Variants in NSUN4 observed in about 807,000 individuals in gnomAD.
The protein encoded by NSUN4 is 5-cytosine rRNA methyltransferase NSUN4.
NSUN4 carries 31 observed loss-of-function variants against 43.8 expected under a neutral mutation model. The ratio of observed to expected loss-of-function variants is 0.71; its 90% confidence interval spans 0.53 to 0.96. The LOEUF is 0.96. Among genes scored for constraint, NSUN4 ranks in the 40% least tolerant of loss-of-function variants. The pLI is 0.00. For missense variants in NSUN4, 439 were observed against 475.6 expected, an observed-to-expected ratio of 0.92 and a Z score of 0.72; for synonymous variants, 167 against 184.1, an observed-to-expected ratio of 0.91 and a Z score of 0.75.
downstream of NSUN4, among the ~76,000 whole-genome samples, chr1:46,367,073 C>T (rs1373605257): frequency 6.6e-6 from 1 of 152,134 alleles, no homozygotes; most frequent in East Asian, 1.9e-4. Flanking sequence ...CTTCCTAAGG[C>T]CTATCTCCCC....
rs143897521 is a variant in NSUN4 at position 46,356,167 on chromosome 1, G to T, written c.753+3139G>T. Among the ~76,000 whole-genome samples, 86 of 152,250 alleles carry T rather than the reference G, an allele frequency of 5.6e-4. 1 individual carries two copies. In the East Asian group the frequency reaches 0.014, roughly 25 times the overall value. On this transcript the variant is annotated intron_variant, in intron 4 of 5. Transcript: ENST00000474844. The stretch of plus-strand genomic sequence containing the variant: ...GCTCACTGCAGTCTTGACTTTCTGG[G>T]CTTAAGTGATCCTCCTACCTCAGCC...
At chr1:46,349,306 AT>A (rs1311021825) in intron 3 of NSUN4, among the ~76,000 whole-genome samples, 8 of 150,244 alleles carry the variant, frequency 5.3e-5, no homozygotes, top group South Asian at 4.2e-4. Context: ...TGCCCGGCTA[AT>A]TTTTTTGTAT....
At position 46,360,228 on chromosome 1, in the gene NSUN4, C is replaced by CAAAAAAAA. The variant is rs1240539714; in HGVS notation, c.754-461_754-454dup. On this transcript the variant is annotated intron_variant, in intron 4 of 5. Transcript: ENST00000474844. ...TGGGCGACAGAGCAAGACTCCATCT[C>CAAAAAAAA]AAAAAAAAAAAAAAAAAAAAAATAT... Among the ~76,000 whole-genome samples, 122 of 34,968 alleles carry CAAAAAAAA rather than the reference C, an allele frequency of 3.5e-3. 1 individual carries two copies. Among genetic ancestry groups the CAAAAAAAA allele is most frequent in the Non-Finnish European group, 4.9e-3 (103 of 21,040 alleles). 22.9% of individuals were successfully genotyped at this position (34,968 alleles called of 152,430 possible).
At chr1:46,342,850 C>T in intron 1 of NSUN4, 1 of 400,176 alleles carries the variant, frequency 2.5e-6, no homozygotes, top group East Asian at 3.6e-5. Context: ...TCTGGCCAGC[C>T]CAAGCCCGCT....
At chr1:46,373,865 A>G in the NSUN4 span, among the ~76,000 whole-genome samples, 1 of 152,022 alleles carries the variant, frequency 6.6e-6, no homozygotes, top group African/African-American at 2.4e-5. Flanking sequence ...GGAATCTGAA[A>G]AAGTGGAAGT....
Position 46,352,951 on chromosome 1 carries a change from AG to A in NSUN4, c.679del (p.Asp227MetfsTer115). 1 of 1,614,206 alleles carries A rather than the reference AG, an allele frequency of 6.2e-7. No homozygotes were observed. The highest frequency in any genetic ancestry group is 8.5e-7 in the Non-Finnish European group (1 of 1,180,004). On this transcript the variant is annotated frameshift_variant, in exon 4 of 6. Transcript: ENST00000474844. LOFTEE classifies it high-confidence loss of function. Reference sequence around the variant, plus strand: ...TCACAGCTATGTGCCTGAAGAGATCAGGGATGGAAATCAAGTTCGAGTTACC... The same window carrying A: ...TCACAGCTATGTGCCTGAAGAGATCAGGATGGAAATCAAGTTCGAGTTACC... ...ILHSYVPEEIRDGNQVRVTSW... is the reference protein window; with the variant it reads ...ILHSYVPEEIXDGNQVRVTSW...
intron 4 of NSUN4, among the ~76,000 whole-genome samples, chr1:46,357,251 C>T (rs748044190): frequency 2.0e-5 from 3 of 152,210 alleles, no homozygotes; most frequent in Non-Finnish European, 4.4e-5. Flanking sequence ...ACAATCTCGG[C>T]TCACTGCAAC....
downstream of NSUN4, among the ~76,000 whole-genome samples, chr1:46,365,404 A>G (rs939793957): frequency 1.3e-5 from 2 of 151,876 alleles, no homozygotes; most frequent in African/African-American, 2.4e-5. Flanking sequence ...CAATGGTGCA[A>G]TCTCAGCTCA....
At chr1:46,341,581 C>T in intron 1 of NSUN4, 1 of 1,189,032 alleles carries the variant, frequency 8.4e-7, no homozygotes, top group Non-Finnish European at 1.0e-6. Flanking sequence ...CCTGGAATTT[C>T]TTCTATGACC....
At chr1:46,354,107 A>T (rs6679080) in intron 4 of NSUN4, among the ~76,000 whole-genome samples, 33,890 of 151,522 alleles carry the variant, frequency 0.22, 4,223 homozygotes, top group Non-Finnish European at 0.29. Context: ...TAATTTTTTT[A>T]AAGTTTTTTT....
At chr1:46,371,617 T>A in the NSUN4 span, among the ~76,000 whole-genome samples, 4 of 152,294 alleles carry the variant, frequency 2.6e-5, no homozygotes, top group South Asian at 8.3e-4. Flanking sequence ...AATTTTTGTA[T>A]TTTTAGTAGA....
the NSUN4 span, among the ~76,000 whole-genome samples, chr1:46,383,448 GTTTT>G: frequency 9.8e-6 from 1 of 102,398 alleles, no homozygotes; most frequent in Non-Finnish European, 1.9e-5. Flanking sequence ...GTTGGCTGGT[GTTTT>G]TTTTTTTTTT....
At chr1:46,357,993 C>A (rs1663503745) in intron 4 of NSUN4, among the ~76,000 whole-genome samples, 1 of 152,240 alleles carries the variant, frequency 6.6e-6, no homozygotes, top group Admixed American at 6.5e-5. Flanking sequence ...TGGCTCACTG[C>A]AACCTCCACC....
At chr1:46,342,871 C>T (rs1336220885) in intron 1 of NSUN4, 7 of 399,918 alleles carry the variant, frequency 1.8e-5, no homozygotes, top group Non-Finnish European at 3.1e-5. Context: ...AAGGCCCACA[C>T]CTGTCCCCCA....
chr1:46,365,102 T>C (rs1250134713), downstream of NSUN4: 1 of 152,250 alleles, frequency 6.6e-6, no homozygotes, highest in Non-Finnish European at 1.5e-5. Context: ...ATACAATATG[T>C]AGTCTTTGGT....
At chr1:46,348,806 C>CTTT (rs1662729613) in intron 3 of NSUN4, among the ~76,000 whole-genome samples, 8 of 81,100 alleles carry the variant, frequency 9.9e-5, no homozygotes, top group African/African-American at 1.3e-4. Context: ...GCCTTGTGCA[C>CTTT]TGTTTTTTTT....
In NSUN4 at chr1:46,352,941, T is replaced by C; in HGVS notation, c.666T>C (p.Pro222=). 6.2e-7 allele frequency: 1 copy of C among 1,614,082 alleles called. No homozygotes were observed. The highest frequency in any genetic ancestry group is 8.5e-7 in the Non-Finnish European group (1 of 1,179,928). Residue 222 remains proline (P), a synonymous_variant, in exon 4 of 6, where the codon CCT becomes CCC. Coordinates refer to ENST00000474844, the MANE Select transcript of NSUN4 (RefSeq NM_199044.4). ...RLQKILHSYV[P]EEIRDGNQVR... is the part of the protein sequence containing the mutation. The stretch of plus-strand genomic sequence containing the variant: ...AGAAGATCCTTCACAGCTATGTGCC[T>C]GAAGAGATCAGGGATGGAAATCAAG...
intron 4 of NSUN4, among the ~76,000 whole-genome samples, chr1:46,360,437 A>G (rs1663782874): frequency 7.3e-6 from 1 of 136,898 alleles, no homozygotes; most frequent in South Asian, 2.2e-4. Flanking sequence ...GTCTCTAAAA[A>G]TTAAAAAAAA....
chr1:46,372,231 C>T, the NSUN4 span, among the ~76,000 whole-genome samples: 1 of 151,274 alleles, frequency 6.6e-6, no homozygotes, highest in Admixed American at 6.6e-5. Flanking sequence ...AGTTCCGCCT[C>T]CCAGGTTCAT....
Sources: allele counts gnomAD v4.1 joint callset (sites outside exome capture counted in the v4.1 genomes callset), GRCh38; gene constraint gnomAD v4.1.1; transcripts MANE v1.5; gene names NCBI Gene and HGNC (gene_info 2026-07-23, HGNC 2026-07-21).